The following NDUFAF2 variants were observed in gnomAD, a reference collection of about 807,000 sequenced individuals.
NDUFAF2 encodes NADH dehydrogenase [ubiquinone] 1 alpha subcomplex assembly factor 2.
Under a neutral mutation model 22.8 loss-of-function variants are expected in NDUFAF2, and 13 were observed. The observed-to-expected ratio is 0.57, with a 90% CI of 0.37 to 0.91. The LOEUF is 0.91. Ranked by LOEUF, NDUFAF2 falls within the 40% of genes least tolerant of loss-of-function variation. NDUFAF2 has a pLI of 0.01. For synonymous variants in NDUFAF2, 53 were observed against 64.2 expected (o/e 0.83, Z 0.84); for missense variants, 162 against 195.2 (o/e 0.83, Z 1.01).
chr5:61,040,278 A>G lies in NDUFAF2; in HGVS notation c.128-32847A>G, dbSNP rs868522486. Among the ~76,000 whole-genome samples the G allele has an allele frequency of 2.7e-3, 346 of 128,854 alleles. 3 individuals are homozygous for G. The highest frequency in any genetic ancestry group is 9.1e-3 in the African/African-American group (247 of 27,006). The allele number at this position is 128,854 out of a possible 152,430, so 84.5% of individuals were successfully genotyped here. A position where few individuals can be genotyped will look rare whatever the true frequency, so the allele number is the denominator to read the frequency against. ...CACACACACACACACACACACACAC[A>G]CACACACACGCGCGCGCGCGCGCGA... On this transcript the variant is annotated intron_variant, in intron 1 of 3. Transcript: ENST00000296597.
intron 1 of NDUFAF2, among the ~76,000 whole-genome samples, chr5:61,067,667 A>G (rs1013305181): frequency 2.0e-5 from 3 of 152,160 alleles, no homozygotes; most frequent in Admixed American, 6.6e-5. Context: ...TCCTTTGGGT[A>G]TATACCCAGT....
At chr5:61,078,554 A>G (rs1752397888) in intron 2 of NDUFAF2, among the ~76,000 whole-genome samples, 1 of 152,166 alleles carries the variant, frequency 6.6e-6, no homozygotes, top group Non-Finnish European at 1.5e-5. Context: ...CAGCCTGTAC[A>G]ACATGTGAAA....
chr5:61,075,618 G>T (rs1271738288), intron 2 of NDUFAF2, among the ~76,000 whole-genome samples: 1 of 152,124 alleles, frequency 6.6e-6, no homozygotes. Context: ...GAGACTTTCA[G>T]AGAGTTTGAA....
At chr5:60,953,064 A>G (rs1436352743) in intron 1 of NDUFAF2, among the ~76,000 whole-genome samples, 1 of 152,126 alleles carries the variant, frequency 6.6e-6, no homozygotes, top group African/African-American at 2.4e-5. Context: ...TGAAGAAATA[A>G]TGGCCAAAAA....
At chr5:61,028,156 T>G (rs1751675695) in intron 1 of NDUFAF2, among the ~76,000 whole-genome samples, 1 of 152,074 alleles carries the variant, frequency 6.6e-6, no homozygotes, top group Non-Finnish European at 1.5e-5. Flanking sequence ...AGGATCTCTC[T>G]GAGGATGTGG....
intron 3 of NDUFAF2, among the ~76,000 whole-genome samples, chr5:61,141,480 G>A (rs1741056826): frequency 6.6e-6 from 1 of 151,958 alleles, no homozygotes. Context: ...TTAGTGAATG[G>A]GAAAGTAGGA....
In NDUFAF2 at chr5:60,947,438, G is replaced by A. The variant is rs553894213; in HGVS notation, c.127+2056G>A. ...GCTTATTTACTATCTACAGATCTTC[G>A]GTGAAGTATTGTTCAAACCTTTTGC... On this transcript the variant is annotated intron_variant, in intron 1 of 3. Coordinates refer to ENST00000296597, the MANE Select transcript of NDUFAF2 (RefSeq NM_174889.5). Among the ~76,000 whole-genome samples, 11 of 151,930 alleles carry A rather than the reference G, an allele frequency of 7.2e-5. No homozygotes were observed. In the East Asian group the frequency reaches 7.8e-4, roughly 11 times the overall value.
At chr5:60,947,765 C>CAA (rs11285395) in intron 1 of NDUFAF2, among the ~76,000 whole-genome samples, 4 of 115,732 alleles carry the variant, frequency 3.5e-5, no homozygotes, top group South Asian at 2.7e-4. Context: ...GACTCCACCT[C>CAA]AAAAAAAAAA....
intron 1 of NDUFAF2, among the ~76,000 whole-genome samples, chr5:60,984,092 G>A (rs1449824731): frequency 6.6e-6 from 1 of 152,092 alleles, no homozygotes; most frequent in Non-Finnish European, 1.5e-5. Flanking sequence ...GTGGTTTGTA[G>A]TTCTCCTTGA....
At chr5:61,127,675 A>G (rs1162003014) in intron 3 of NDUFAF2, among the ~76,000 whole-genome samples, 1 of 152,218 alleles carries the variant, frequency 6.6e-6, no homozygotes, top group African/African-American at 2.4e-5. Flanking sequence ...TGACAAACCC[A>G]CAGCCAATAT....
chr5:61,130,425 A>G (rs1249537868), intron 3 of NDUFAF2, among the ~76,000 whole-genome samples: 1 of 152,028 alleles, frequency 6.6e-6, no homozygotes, highest in Non-Finnish European at 1.5e-5. Context: ...ATTTGGATGC[A>G]CTCTTGGTTA....
chr5:61,073,789 C>A (rs193275155), intron 2 of NDUFAF2, among the ~76,000 whole-genome samples: 4 of 152,300 alleles, frequency 2.6e-5, no homozygotes, highest in African/African-American at 9.6e-5. Context: ...GTTGGTCTCT[C>A]AGTGTGGCTC....
At chr5:60,997,891 C>T (rs1474647491) in intron 1 of NDUFAF2, among the ~76,000 whole-genome samples, 1 of 152,170 alleles carries the variant, frequency 6.6e-6, no homozygotes, top group Middle Eastern at 3.2e-3. Context: ...AAAGGCTTAT[C>T]ATCCTAGATT....
rs373697955 is a variant in NDUFAF2 at position 61,062,931 on chromosome 5, C to T, written c.128-10194C>T. 5.9e-5 allele frequency among the ~76,000 whole-genome samples: 9 copies of T among 152,064 alleles called. No homozygotes were observed. In the East Asian group the frequency reaches 1.7e-3, roughly 29 times the overall value. On this transcript the variant is annotated intron_variant, in intron 1 of 3. Coordinates refer to ENST00000296597, the MANE Select transcript of NDUFAF2 (RefSeq NM_174889.5). ...AGATGTATCCAAAGAAATAAACTGA[C>T]AGTTAAGAATACTATACCCAACAAA...
At chr5:60,970,528 C>A (rs1485933562) in intron 1 of NDUFAF2, among the ~76,000 whole-genome samples, 2 of 152,184 alleles carry the variant, frequency 1.3e-5, no homozygotes, top group African/African-American at 4.8e-5. Flanking sequence ...TTGTTTGCTA[C>A]TGATTTTTGT....
chr5:61,122,776 C>T (rs1326988439), intron 3 of NDUFAF2, among the ~76,000 whole-genome samples: 1 of 152,114 alleles, frequency 6.6e-6, no homozygotes, highest in Non-Finnish European at 1.5e-5. Context: ...TGGCAGACAC[C>T]TCTTGTGCCC....
At chr5:60,972,734 A>T (rs1338099429) in intron 1 of NDUFAF2, among the ~76,000 whole-genome samples, 1 of 150,796 alleles carries the variant, frequency 6.6e-6, no homozygotes, top group Non-Finnish European at 1.5e-5. Context: ...TTAAAGTAGA[A>T]AAACTAAGCA....
At chr5:61,037,342 A>T (rs1751812591) in intron 1 of NDUFAF2, among the ~76,000 whole-genome samples, 2 of 152,230 alleles carry the variant, frequency 1.3e-5, no homozygotes, top group Admixed American at 6.5e-5. Flanking sequence ...GCAGTCACAC[A>T]TGCATATAAT....
intron 1 of NDUFAF2, among the ~76,000 whole-genome samples, chr5:60,996,715 G>T (rs944394067): frequency 2.0e-5 from 3 of 152,158 alleles, no homozygotes; most frequent in Non-Finnish European, 4.4e-5. Flanking sequence ...CAAACTGCTG[G>T]GATTAGTGAT....
Sources: allele counts gnomAD v4.1 joint callset (sites outside exome capture counted in the v4.1 genomes callset), GRCh38; gene constraint gnomAD v4.1.1; transcripts MANE v1.5; gene names NCBI Gene and HGNC (gene_info 2026-07-23, HGNC 2026-07-21).